HS6ST3: variants seen among roughly 807,000 people sequenced by gnomAD.
HS6ST3 encodes the protein heparan-sulfate 6-O-sulfotransferase 3.
Under a neutral mutation model 36.7 loss-of-function variants are expected in HS6ST3, and 12 were observed. That is an observed-to-expected ratio of 0.33 (90% CI 0.21 to 0.53). HS6ST3 has a LOEUF of 0.53. Among genes scored for constraint, HS6ST3 ranks in the 20% least tolerant of loss-of-function variants. HS6ST3 has a pLI of 0.95. For synonymous variants in HS6ST3, 240 were observed against 257.5 expected, an observed-to-expected ratio of 0.93 and a Z score of 0.65; for missense variants, 584 against 640.9, an observed-to-expected ratio of 0.91 and a Z score of 0.96.
At chr13:96,225,110 A>G (rs1427288007) in intron 1 of HS6ST3, among the ~76,000 whole-genome samples, 1 of 152,228 alleles carries the variant, frequency 6.6e-6, no homozygotes, top group Non-Finnish European at 1.5e-5. Flanking sequence ...GGAGCTTAAA[A>G]TGTGAATTTT....
intron 1 of HS6ST3, among the ~76,000 whole-genome samples, chr13:96,522,109 C>T (rs1044020094): frequency 2.0e-5 from 3 of 152,184 alleles, no homozygotes; most frequent in African/African-American, 7.2e-5. Context: ...TTGTTATTTA[C>T]TCAGAGTCAT....
chr13:96,630,795 G>A (rs1029477110), intron 1 of HS6ST3, among the ~76,000 whole-genome samples: 3 of 151,976 alleles, frequency 2.0e-5, no homozygotes, highest in African/African-American at 7.2e-5. Flanking sequence ...TTTAGAGATT[G>A]CTTTTAAAAC....
At chr13:96,694,819 T>C (rs1394665848) in intron 1 of HS6ST3, among the ~76,000 whole-genome samples, 1 of 152,212 alleles carries the variant, frequency 6.6e-6, no homozygotes, top group African/African-American at 2.4e-5. Context: ...ATATGCTTTT[T>C]GGCCGTGTAT....
intron 1 of HS6ST3, among the ~76,000 whole-genome samples, chr13:96,595,072 G>A (rs987874324): frequency 1.3e-5 from 2 of 151,988 alleles, no homozygotes; most frequent in African/African-American, 2.4e-5. Context: ...TTGAGACAAG[G>A]CCTCACTCTG....
intron 1 of HS6ST3, among the ~76,000 whole-genome samples, chr13:96,194,370 A>C (rs1459443685): frequency 6.6e-6 from 1 of 152,158 alleles, no homozygotes; most frequent in South Asian, 2.1e-4. Flanking sequence ...AATTATCGTC[A>C]ATTATAAATT....
chr13:96,776,419 A>G (rs370980722), intron 1 of HS6ST3, among the ~76,000 whole-genome samples: 2 of 152,194 alleles, frequency 1.3e-5, no homozygotes, highest in African/African-American at 4.8e-5. Flanking sequence ...TTTTGAAAAG[A>G]TTAACAAAAT....
intron 1 of HS6ST3, among the ~76,000 whole-genome samples, chr13:96,539,365 T>A (rs938971261): frequency 6.6e-6 from 1 of 152,114 alleles, no homozygotes; most frequent in Admixed American, 6.5e-5. Context: ...ACTTTTTTTT[T>A]TTCTTTTTGA....
intron 1 of HS6ST3, among the ~76,000 whole-genome samples, chr13:96,587,100 G>A (rs541678021): frequency 6.6e-6 from 1 of 152,218 alleles, no homozygotes; most frequent in East Asian, 1.9e-4. Context: ...TCAGTCAACT[G>A]TAAATGTAAG....
At chr13:96,426,646 C>A (rs1471175236) in intron 1 of HS6ST3, among the ~76,000 whole-genome samples, 1 of 152,130 alleles carries the variant, frequency 6.6e-6, no homozygotes, top group African/African-American at 2.4e-5. Context: ...TTGCTACTTT[C>A]TTCTCTTTAT....
At chr13:96,297,928 C>A (rs2054863105) in intron 1 of HS6ST3, among the ~76,000 whole-genome samples, 1 of 152,082 alleles carries the variant, frequency 6.6e-6, no homozygotes, top group African/African-American at 2.4e-5. Flanking sequence ...AAAAATGCAT[C>A]TTGAATGAAT....
intron 1 of HS6ST3, among the ~76,000 whole-genome samples, chr13:96,633,387 C>A (rs1256048812): frequency 1.3e-5 from 2 of 152,076 alleles, no homozygotes; most frequent in Non-Finnish European, 2.9e-5. Context: ...ATTTCTTGAG[C>A]ACTGATTAAG....
chr13:96,637,191 C>A (rs1013550867), intron 1 of HS6ST3, among the ~76,000 whole-genome samples: 28 of 151,978 alleles, frequency 1.8e-4, no homozygotes, highest in African/African-American at 4.6e-4. Context: ...GGAGAGAGGC[C>A]CAGCTGAGAC....
chr13:96,670,960 G>A (rs2056680748), intron 1 of HS6ST3, among the ~76,000 whole-genome samples: 1 of 152,192 alleles, frequency 6.6e-6, no homozygotes, highest in South Asian at 2.1e-4. Flanking sequence ...TGATACCTGG[G>A]ATTAGGTCTC....
rs190715462 is a variant in HS6ST3 at position 96,101,722 on chromosome 13, C to T, written c.707+10153C>T. ...TATTGACATTGGTACATATATGTCA[C>T]GTTCATTTCTCCCATCCAGAGGAGG... is the stretch of plus-strand genomic sequence containing the variant. On this transcript the variant is annotated intron_variant, in intron 1 of 1. Coordinates refer to ENST00000376705, the MANE Select transcript of HS6ST3 (RefSeq NM_153456.4). 9.2e-5 allele frequency among the ~76,000 whole-genome samples: 14 copies of T among 152,186 alleles called. No individual in the cohort carries two copies. The East Asian group carries it at 1.2e-3, about 13-fold the overall frequency.
At chr13:96,417,705 TG>T (rs1468224573) in intron 1 of HS6ST3, among the ~76,000 whole-genome samples, 1 of 132,446 alleles carries the variant, frequency 7.6e-6, no homozygotes, top group Non-Finnish European at 1.6e-5. Flanking sequence ...TATATTTATA[TG>T]TACGTATCTG....
chr13:96,608,812 C>G (rs1239132234), intron 1 of HS6ST3, among the ~76,000 whole-genome samples: 7 of 151,984 alleles, frequency 4.6e-5, no homozygotes, highest in Admixed American at 2.0e-4. Flanking sequence ...GTGAGGGGAA[C>G]AGAGTTGTGA....
At chr13:96,823,572 T>TA (rs1271675882) in intron 1 of HS6ST3, among the ~76,000 whole-genome samples, 9 of 152,250 alleles carry the variant, frequency 5.9e-5, no homozygotes, top group African/African-American at 2.2e-4. Context: ...ATATATATAT[T>TA]TAACTGTGCC....
intron 1 of HS6ST3, among the ~76,000 whole-genome samples, chr13:96,257,897 G>A (rs1426986630): frequency 2.6e-5 from 4 of 152,102 alleles, no homozygotes; most frequent in African/African-American, 9.7e-5. Flanking sequence ...TATTTCATTG[G>A]GTATAATGAA....
chr13:96,715,587 G>C (rs1184159120), intron 1 of HS6ST3, among the ~76,000 whole-genome samples: 1 of 151,606 alleles, frequency 6.6e-6, no homozygotes, highest in African/African-American at 2.4e-5. Context: ...TTCATTTTTT[G>C]TACCACTTCC....
Sources: gnomAD v4.1 joint callset for allele counts (sites outside exome capture counted in the v4.1 genomes callset) on GRCh38, gnomAD v4.1.1 for gene constraint, MANE v1.5 for transcripts, NCBI Gene and HGNC (gene_info 2026-07-23, HGNC 2026-07-21) for gene names.